SCARA5: variants seen among roughly 807,000 people sequenced by gnomAD.
SCARA5 encodes the protein scavenger receptor class A member 5.
In SCARA5, 45 loss-of-function variants were observed where a neutral mutation model predicts 46.3. That is an observed-to-expected ratio of 0.97 (90% CI 0.76 to 1.24). The LOEUF (loss-of-function observed/expected upper bound fraction) is 1.24. Among genes scored for constraint, SCARA5 ranks in the 50% most tolerant of loss-of-function variants. The pLI, the probability that SCARA5 is intolerant of heterozygous loss-of-function variation, is 0.00. For missense variants in SCARA5, 680 were observed against 689.0 expected (o/e 0.99, Z 0.15); for synonymous variants, 333 against 306.5 (o/e 1.09, Z -0.90).
At chr8:27,974,706 T>C (rs1808497553) in intron 2 of SCARA5, among the ~76,000 whole-genome samples, 1 of 152,010 alleles carries the variant, frequency 6.6e-6, no homozygotes, top group Non-Finnish European at 1.5e-5. Context: ...ATAACCTGTC[T>C]TTGAAGCTGC....
intron 3 of SCARA5, among the ~76,000 whole-genome samples, chr8:27,935,965 A>T (rs1807848620): frequency 6.6e-6 from 1 of 152,164 alleles, no homozygotes; most frequent in Non-Finnish European, 1.5e-5. Flanking sequence ...TTAAAGAACC[A>T]CATGCCCTGG....
chr8:27,983,400 G>C (rs147977659), intron 2 of SCARA5, among the ~76,000 whole-genome samples: 5 of 152,296 alleles, frequency 3.3e-5, no homozygotes, highest in Non-Finnish European at 7.4e-5. Flanking sequence ...TCTGCACTTG[G>C]ATTCCCACAT....
At chr8:27,893,244 G>A (rs527743793) in intron 7 of SCARA5, among the ~76,000 whole-genome samples, 6 of 152,260 alleles carry the variant, frequency 3.9e-5, no homozygotes, top group African/African-American at 1.2e-4. Context: ...CAGGGCATCC[G>A]TGAGGCAGAA....
intron 3 of SCARA5, among the ~76,000 whole-genome samples, chr8:27,949,664 C>T (rs954567876): frequency 3.3e-5 from 5 of 152,184 alleles, no homozygotes; most frequent in African/African-American, 1.2e-4. Flanking sequence ...TGTCCTCCTT[C>T]CACCCCAACC....
intron 3 of SCARA5, among the ~76,000 whole-genome samples, chr8:27,942,183 T>C (rs928946996): frequency 6.6e-6 from 1 of 152,030 alleles, no homozygotes; most frequent in African/African-American, 2.4e-5. Context: ...TTTCCACCAT[T>C]AGCCAGTGAC....
chr8:27,956,880 T>A (rs1808215027), intron 3 of SCARA5, among the ~76,000 whole-genome samples: 1 of 152,216 alleles, frequency 6.6e-6, no homozygotes, highest in Admixed American at 6.5e-5. Flanking sequence ...ACACGATGCC[T>A]GCAGGACTGT....
chr8:27,927,147 C>A (rs755854826), intron 3 of SCARA5, among the ~76,000 whole-genome samples: 3 of 152,186 alleles, frequency 2.0e-5, no homozygotes, highest in Non-Finnish European at 4.4e-5. Flanking sequence ...GCTCTCCTAG[C>A]CCCTCCTTCC....
intron 7 of SCARA5, among the ~76,000 whole-genome samples, chr8:27,884,341 C>A (rs575991684): frequency 6.6e-6 from 1 of 152,314 alleles, no homozygotes; most frequent in South Asian, 2.1e-4. Flanking sequence ...GGTCTGACAC[C>A]AAGAAACTCC....
At chr8:27,934,593 C>T (rs947479525) in intron 3 of SCARA5, among the ~76,000 whole-genome samples, 1 of 152,190 alleles carries the variant, frequency 6.6e-6, no homozygotes, top group Non-Finnish European at 1.5e-5. Context: ...GAATCAGATC[C>T]TGGCTGATGA....
chr8:27,983,497 C>T (rs1318263647), intron 2 of SCARA5, among the ~76,000 whole-genome samples: 2 of 152,192 alleles, frequency 1.3e-5, no homozygotes, highest in African/African-American at 2.4e-5. Flanking sequence ...CCGTGAAATC[C>T]CCATCCTGGG....
In SCARA5 at chr8:27,879,653, C is replaced by T; in HGVS notation, c.1267G>A (p.Asp423Asn). 1 of 1,612,890 alleles carries T rather than the reference C, an allele frequency of 6.2e-7. No homozygotes were observed. The highest frequency in any genetic ancestry group is 1.7e-5 in the Admixed American group (1 of 60,026). Residue 423 changes from aspartate to asparagine, a missense_variant, in exon 8 of 9, where the codon GAC becomes AAC. This residue lies in a region of SCARA5 where 219 missense variants were observed against 269.5 expected (regional missense o/e 0.81). Coordinates refer to ENST00000354914, the MANE Select transcript of SCARA5 (RefSeq NM_173833.6). ...RWGTVCDDGW[D>N]KKDGDVVCRM... ...CACACCACGTCTCCGTCCTTCTTGTCCCAGCCGTCGTCACACACGGTGCCC... is the reference window on the plus strand; with the variant it reads ...CACACCACGTCTCCGTCCTTCTTGTTCCAGCCGTCGTCACACACGGTGCCC...
chr8:27,992,102 C>T (rs995542326), intron 1 of SCARA5, among the ~76,000 whole-genome samples, 155 bp downstream of exon 1: 2 of 152,168 alleles, frequency 1.3e-5, no homozygotes, highest in African/African-American at 4.8e-5. Flanking sequence ...GCCCAGCAGG[C>T]GGGGACCTTC....
chr8:27,910,003 T>C (rs1681415874), intron 4 of SCARA5, among the ~76,000 whole-genome samples: 2 of 151,802 alleles, frequency 1.3e-5, no homozygotes, highest in Admixed American at 6.6e-5. Context: ...ACACACACAC[T>C]GAATATGTAT....
chr8:27,907,134 G>A lies in SCARA5; in HGVS notation c.1096+14C>T, dbSNP rs1269775534. The stretch of plus-strand genomic sequence containing the variant: ...CTGGTGGTGAGGCTCAGGGAGAACT[G>A]AGATTGTTATTACCTTTGAACCCAC... On this transcript the variant is annotated intron_variant, in intron 6 of 8. Transcript: ENST00000354914. 1.3e-6 allele frequency: 2 copies of A among 1,596,620 alleles called. No homozygotes were observed. The highest frequency in any genetic ancestry group is 2.7e-5 in the African/African-American group (2 of 74,412).
rs1463006429 is a variant in SCARA5 at position 27,987,593 on chromosome 8, A to G, written c.23T>C (p.Leu8Pro). ...GGTGTCACAGTCGCTGACGGTGTGT[A>G]GGTACATAGCTTTGTTCTCCATCAC... The part of the protein sequence containing the change: MENKAMY[L>P]HTVSDCDTSS... Residue 8 changes from leucine (L) to proline (P), a missense_variant, in exon 2 of 9, where the codon CTA becomes CCA. By Grantham distance (98) the Leu-to-Pro change is moderately conservative. This residue lies in a region of SCARA5 where 23 missense variants were observed against 35.0 expected (regional missense o/e 0.66). Coordinates refer to ENST00000354914, the MANE Select transcript of SCARA5 (RefSeq NM_173833.6). 2 of 1,613,734 alleles carry G rather than the reference A, an allele frequency of 1.2e-6. No homozygotes were observed. Among genetic ancestry groups the G allele is most frequent in the Non-Finnish European group, 1.7e-6 (2 of 1,179,596 alleles).
intron 2 of SCARA5, among the ~76,000 whole-genome samples, chr8:27,985,257 A>G (rs1213097415): frequency 1.3e-5 from 2 of 152,098 alleles, no homozygotes; most frequent in African/African-American, 2.4e-5. Context: ...GAGCTGAGCT[A>G]AGTCCTGGGG....
chr8:27,927,567 T>G (rs930506534), intron 3 of SCARA5, among the ~76,000 whole-genome samples: 14 of 152,242 alleles, frequency 9.2e-5, no homozygotes, highest in Non-Finnish European at 2.1e-4. Context: ...TTTATAATTA[T>G]GATTTTGATG....
chr8:27,871,345 T>C lies in SCARA5; in HGVS notation c.*589A>G. 1.5e-6 allele frequency: 1 copy of C among 686,600 alleles called. No homozygotes were observed. The highest frequency in any genetic ancestry group is 1.8e-6 in the Non-Finnish European group (1 of 556,946). 42.5% of individuals were successfully genotyped at this position (686,600 alleles called of 1,614,324 possible). ...CCTTCTCCAAATCTAGCTGGATTCCTGCAGGTGACTTGCATTTCCCTCTTG... is the reference window on the plus strand; with the variant it reads ...CCTTCTCCAAATCTAGCTGGATTCCCGCAGGTGACTTGCATTTCCCTCTTG... On this transcript the variant is annotated 3_prime_UTR_variant, in exon 9 of 9. Transcript: ENST00000354914.
At chr8:27,946,105 C>T (rs1054806773) in intron 3 of SCARA5, among the ~76,000 whole-genome samples, 1 of 152,222 alleles carries the variant, frequency 6.6e-6, no homozygotes, top group Non-Finnish European at 1.5e-5. Flanking sequence ...AAATTTATCA[C>T]TCTCTTATTT....
Sources: allele counts gnomAD v4.1 joint callset (sites outside exome capture counted in the v4.1 genomes callset), GRCh38; gene constraint gnomAD v4.1.1; regional missense constraint gnomAD v4.1.1; transcripts MANE v1.5; gene names NCBI Gene and HGNC (gene_info 2026-07-23, HGNC 2026-07-21).